Variants in CCDC7 observed in about 807,000 individuals in gnomAD.
The protein encoded by CCDC7 is coiled-coil domain containing 7.
Under a neutral mutation model 196.9 loss-of-function variants are expected in CCDC7, and 183 were observed. That is an observed-to-expected ratio of 0.93 (90% CI 0.82 to 1.05). CCDC7 has a LOEUF of 1.05. Ranked by LOEUF, CCDC7 falls within the 50% of genes least tolerant of loss-of-function variation. The probability of loss-of-function intolerance (pLI) is 0.00; values close to 1 mark genes in which losing one functional copy is unlikely to be tolerated. For synonymous variants in CCDC7, 525 were observed against 484.6 expected (o/e 1.08, Z -1.10); for missense variants, 1,540 against 1,482.2 (o/e 1.04, Z -0.64).
chr10:32,575,200 A>G (rs1482502503), intron 16 of CCDC7, among the ~76,000 whole-genome samples: 1 of 152,204 alleles, frequency 6.6e-6, no homozygotes, highest in Non-Finnish European at 1.5e-5. Context: ...GGCATTATCT[A>G]ATTGTGAAAT....
chr10:32,689,628 G>A (rs1407284404), intron 23 of CCDC7, among the ~76,000 whole-genome samples: 1 of 152,162 alleles, frequency 6.6e-6, no homozygotes, highest in Non-Finnish European at 1.5e-5. Flanking sequence ...TGGCCCCACT[G>A]AAATGAAACA....
chr10:32,721,267 C>T (rs937140898), intron 25 of CCDC7, among the ~76,000 whole-genome samples: 2 of 152,124 alleles, frequency 1.3e-5, no homozygotes, highest in Non-Finnish European at 2.9e-5. Context: ...AAATTTGTCT[C>T]ATGAAGAATG....
intron 21 of CCDC7, among the ~76,000 whole-genome samples, chr10:32,677,681 T>A (rs530121728): frequency 2.6e-5 from 4 of 152,260 alleles, no homozygotes; most frequent in Admixed American, 2.6e-4. Context: ...TGTGTCTCAG[T>A]GTAAATTTCT....
chr10:32,849,716 A>G (rs544719116), intron 39 of CCDC7, among the ~76,000 whole-genome samples: 67 of 151,692 alleles, frequency 4.4e-4, no homozygotes, highest in East Asian at 3.9e-3. Flanking sequence ...AAAAAAAAAA[A>G]AAAAGAAAAG....
At chr10:32,731,205 G>A (rs925258806) in intron 28 of CCDC7, among the ~76,000 whole-genome samples, 1 of 151,976 alleles carries the variant, frequency 6.6e-6, no homozygotes, top group Admixed American at 6.5e-5. Flanking sequence ...TCTCTAGTAA[G>A]GTCTTTTGAC....
intron 41 of CCDC7, among the ~76,000 whole-genome samples, chr10:32,855,338 G>A (rs148107918): frequency 6.3e-4 from 96 of 151,922 alleles, no homozygotes; most frequent in South Asian, 2.7e-3. Context: ...TGATTCAGGC[G>A]CATTACATTT....
At chr10:32,770,052 C>T (rs2078931862) in intron 28 of CCDC7, among the ~76,000 whole-genome samples, 1 of 152,172 alleles carries the variant, frequency 6.6e-6, no homozygotes, top group African/African-American at 2.4e-5. Context: ...TGAGGAGTCA[C>T]CACACTGTCT....
chr10:32,540,863 T>C (rs1304154824), intron 11 of CCDC7, among the ~76,000 whole-genome samples: 1 of 152,188 alleles, frequency 6.6e-6, no homozygotes, highest in Non-Finnish European at 1.5e-5. Context: ...GATTATCTTC[T>C]TATGTAATAC....
intron 21 of CCDC7, among the ~76,000 whole-genome samples, chr10:32,668,877 T>C (rs1046961975): frequency 6.6e-6 from 1 of 152,164 alleles, no homozygotes; most frequent in Non-Finnish European, 1.5e-5. Flanking sequence ...CCAATTTGAA[T>C]GCCTTCTGTT....
At chr10:32,511,825 C>T (rs1167543917) in intron 9 of CCDC7, 36 of 859,536 alleles carry the variant, frequency 4.2e-5, no homozygotes, top group Non-Finnish European at 6.3e-5. Flanking sequence ...GCTCTGCCCG[C>T]GCCACCAGCG....
chr10:32,791,110 G>A (rs147383125), intron 29 of CCDC7, among the ~76,000 whole-genome samples: 1 of 152,166 alleles, frequency 6.6e-6, no homozygotes, highest in Non-Finnish European at 1.5e-5. Flanking sequence ...GGCCACTGAG[G>A]CACCCACAGT....
intron 3 of CCDC7, among the ~76,000 whole-genome samples, chr10:32,458,443 T>TTG (rs2034834595): frequency 1.3e-5 from 2 of 150,226 alleles, no homozygotes; most frequent in South Asian, 4.3e-4. Context: ...GAAGAGTATG[T>TTG]TGTGTGTGTG....
chr10:32,717,901 A>G (rs2081865150), intron 25 of CCDC7, among the ~76,000 whole-genome samples: 1 of 151,994 alleles, frequency 6.6e-6, no homozygotes, highest in Admixed American at 6.5e-5. Flanking sequence ...CTACCAAAAA[A>G]AAAAAAAAAA....
At chr10:32,646,157 T>C (rs1226667498) in intron 20 of CCDC7, among the ~76,000 whole-genome samples, 2 of 151,908 alleles carry the variant, frequency 1.3e-5, no homozygotes, top group African/African-American at 4.8e-5. Flanking sequence ...TTCATGTAGG[T>C]GTTTATTGCT....
chr10:32,713,624 T>G (rs1253681268), intron 25 of CCDC7, among the ~76,000 whole-genome samples: 1 of 152,252 alleles, frequency 6.6e-6, no homozygotes, highest in African/African-American at 2.4e-5. Flanking sequence ...GACATCACCA[T>G]ATGGACCTTA....
intron 28 of CCDC7, among the ~76,000 whole-genome samples, chr10:32,768,073 A>C (rs932740785): frequency 6.6e-6 from 1 of 152,138 alleles, no homozygotes; most frequent in African/African-American, 2.4e-5. Context: ...AGAAGAAAAA[A>C]ATGGAAAAGA....
chr10:32,580,534 T>G (rs2058637822), intron 16 of CCDC7, among the ~76,000 whole-genome samples: 1 of 152,106 alleles, frequency 6.6e-6, no homozygotes, highest in Admixed American at 6.6e-5. Context: ...ATATTGAAAT[T>G]TTTCTATAAA....
chr10:32,577,288 G>A (rs1391018464), intron 16 of CCDC7, among the ~76,000 whole-genome samples: 2 of 152,090 alleles, frequency 1.3e-5, no homozygotes. Context: ...CTTGAACCTG[G>A]GAGGCGGAGG....
intron 30 of CCDC7, among the ~76,000 whole-genome samples, chr10:32,809,885 C>A (rs1487111531): frequency 1.3e-5 from 2 of 152,156 alleles, no homozygotes; most frequent in African/African-American, 4.8e-5. Context: ...TTGGTATATA[C>A]CCAAAGGATT....
Sources: allele counts gnomAD v4.1 joint callset (sites outside exome capture counted in the v4.1 genomes callset), GRCh38; gene constraint gnomAD v4.1.1; transcripts MANE v1.5; gene names NCBI Gene and HGNC (gene_info 2026-07-23, HGNC 2026-07-21).